Variants in PDCD10 observed in about 807,000 individuals in gnomAD.
The protein encoded by PDCD10 is programmed cell death 10, also known as programmed cell death protein 10.
PDCD10 carries 4 observed loss-of-function variants against 29.2 expected under a neutral mutation model. The ratio of observed to expected loss-of-function variants is 0.14; its 90% confidence interval spans 0.07 to 0.31. The LOEUF (loss-of-function observed/expected upper bound fraction) is 0.31, where lower values mean the gene tolerates loss of function less well. Ranked by LOEUF, PDCD10 falls within the 10% of genes least tolerant of loss-of-function variation. The probability of loss-of-function intolerance (pLI) is 1.00; values close to 1 mark genes in which losing one functional copy is unlikely to be tolerated. For missense variants in PDCD10, 183 were observed against 257.9 expected, an observed-to-expected ratio of 0.71 and a Z score of 1.99; for synonymous variants, 70 against 82.2, an observed-to-expected ratio of 0.85 and a Z score of 0.80.
At chr3:167,721,325 C>T (rs1559974357) in intron 2 of PDCD10, among the ~76,000 whole-genome samples, 2 of 151,984 alleles carry the variant, frequency 1.3e-5, no homozygotes, top group African/African-American at 4.8e-5. Flanking sequence ...AGGTAGAGAC[C>T]CAAGACTTGA....
rs369322581 is a variant in PDCD10 at position 167,728,658 on chromosome 3, T to C, written c.-117+5556A>G. ...TGTCCATACAATGGTCTTTCAACCC[T>C]TTCCCCTTGTATCTACTGAAGTATA... On this transcript the variant is annotated intron_variant, in intron 2 of 8. Coordinates refer to ENST00000392750, the MANE Select transcript of PDCD10 (RefSeq NM_007217.4). 1.8e-4 allele frequency among the ~76,000 whole-genome samples: 27 copies of C among 152,340 alleles called. No homozygotes were observed. The East Asian group carries it at 3.1e-3, about 17-fold the overall frequency.
intron 8 of PDCD10, 52 bp from the exon 9 acceptor site, chr3:167,684,441 T>C: frequency 9.6e-7 from 1 of 1,044,686 alleles, no homozygotes. Context: ...AATTCACCCT[T>C]TTAAGATTTA....
At chr3:167,722,186 G>C (rs1292908089) in intron 2 of PDCD10, among the ~76,000 whole-genome samples, 3 of 152,050 alleles carry the variant, frequency 2.0e-5, no homozygotes, top group African/African-American at 7.2e-5. Flanking sequence ...GAAAAATCAA[G>C]TAAGAAATGG....
At chr3:167,732,768 T>C (rs1724949935) in intron 2 of PDCD10, among the ~76,000 whole-genome samples, 1 of 152,198 alleles carries the variant, frequency 6.6e-6, no homozygotes, top group African/African-American at 2.4e-5. Context: ...ATTTCATACC[T>C]CCTTCAACAA....
Position 167,687,491 on chromosome 3 carries a change from A to G in PDCD10, c.474+124T>C, listed in dbSNP as rs534849184. 8.5e-5 allele frequency: 64 copies of G among 755,300 alleles called. 1 individual carries two copies. In the South Asian group the frequency reaches 8.9e-4, roughly 10 times the overall value. The allele number at this position is 755,300 out of a possible 1,614,324, so 46.8% of individuals were successfully genotyped here. On this transcript the variant is annotated intron_variant, in intron 7 of 8. Transcript: ENST00000392750. ...TAAAAAGGCATATTTAAATTCAAGA[A>G]TAAACTCAATGGTTAATGACACAAA...
At chr3:167,731,089 C>A (rs1019279592) in intron 2 of PDCD10, 1 of 152,046 alleles carries the variant, frequency 6.6e-6, no homozygotes, top group Admixed American at 6.5e-5. Flanking sequence ...GAAACTCTAG[C>A]AATTTAATTA....
At chr3:167,690,461 T>C (rs532250187) in intron 6 of PDCD10, among the ~76,000 whole-genome samples, 1 of 152,376 alleles carries the variant, frequency 6.6e-6, no homozygotes, top group East Asian at 1.9e-4. Context: ...AGCCTAAGAA[T>C]ATGCAAATGC....
intron 5 of PDCD10, among the ~76,000 whole-genome samples, chr3:167,696,482 T>C (rs1467645695): frequency 6.6e-6 from 1 of 152,202 alleles, no homozygotes; most frequent in East Asian, 1.9e-4. Flanking sequence ...AAATTATATG[T>C]CCATATTTTT....
chr3:167,704,182 C>T (rs1721735610), intron 4 of PDCD10, among the ~76,000 whole-genome samples: 1 of 152,114 alleles, frequency 6.6e-6, no homozygotes, highest in East Asian at 1.9e-4. Context: ...TATAATTAAA[C>T]AATAGAAAGA....
chr3:167,712,799 A>T (rs774044360), intron 3 of PDCD10, among the ~76,000 whole-genome samples: 2 of 152,072 alleles, frequency 1.3e-5, no homozygotes, highest in African/African-American at 2.4e-5. Flanking sequence ...AAAAAAGAGT[A>T]GGAGCAGCTG....
At chr3:167,717,494 C>T (rs895997937) in intron 3 of PDCD10, among the ~76,000 whole-genome samples, 1 of 151,838 alleles carries the variant, frequency 6.6e-6, no homozygotes, top group Admixed American at 6.6e-5. Flanking sequence ...ACAGAAAAAG[C>T]CAAACTAAAA....
chr3:167,693,304 A>T (rs968786268), intron 6 of PDCD10, among the ~76,000 whole-genome samples: 1 of 152,252 alleles, frequency 6.6e-6, no homozygotes, highest in Admixed American at 6.5e-5. Context: ...ATAATTCTGA[A>T]CATATGTACT....
intron 2 of PDCD10, among the ~76,000 whole-genome samples, chr3:167,733,064 A>G (rs1724980506): frequency 6.6e-6 from 1 of 152,332 alleles, no homozygotes; most frequent in African/African-American, 2.4e-5. Flanking sequence ...TTCAACCATC[A>G]GGGAAGATAA....
chr3:167,696,906 G>A (rs1317703497), intron 5 of PDCD10, 103 bp downstream of exon 5: 14 of 767,084 alleles, frequency 1.8e-5, no homozygotes, highest in South Asian at 4.1e-5. Context: ...AGGGAGGGAG[G>A]GAAAACAGTA....
intron 6 of PDCD10, among the ~76,000 whole-genome samples, chr3:167,692,805 C>T (rs1009946494): frequency 2.6e-5 from 4 of 152,246 alleles, no homozygotes; most frequent in African/African-American, 9.6e-5. Flanking sequence ...GTAGTCCCAG[C>T]TACGCTGGAG....
chr3:167,703,225 A>G (rs1236966528), intron 4 of PDCD10, among the ~76,000 whole-genome samples: 1 of 152,024 alleles, frequency 6.6e-6, no homozygotes, highest in African/African-American at 2.4e-5. Context: ...CTCCCTAATG[A>G]CCAAATATGC....
At chr3:167,691,548 G>A (rs1377829666) in intron 6 of PDCD10, among the ~76,000 whole-genome samples, 1 of 152,162 alleles carries the variant, frequency 6.6e-6, no homozygotes, top group East Asian at 1.9e-4. Context: ...CAGCTCCCTA[G>A]AGTCACAGAC....
At chr3:167,714,771 C>T (rs1722850842) in intron 3 of PDCD10, among the ~76,000 whole-genome samples, 1 of 151,708 alleles carries the variant, frequency 6.6e-6, no homozygotes, top group Admixed American at 6.6e-5. Context: ...AACTATAAAA[C>T]ACTGACGAAG....
intron 4 of PDCD10, among the ~76,000 whole-genome samples, chr3:167,703,570 T>C (rs1385023528): frequency 6.6e-6 from 1 of 152,100 alleles, no homozygotes; most frequent in African/African-American, 2.4e-5. Flanking sequence ...GTATTCCACA[T>C]TTAAACATTA....
Sources: allele counts gnomAD v4.1 joint callset (sites outside exome capture counted in the v4.1 genomes callset), GRCh38; gene constraint gnomAD v4.1.1; transcripts MANE v1.5; gene names NCBI Gene and HGNC (gene_info 2026-07-23, HGNC 2026-07-21).